Variants in KCNB2 observed in about 807,000 individuals in gnomAD.
The protein encoded by KCNB2 is potassium voltage-gated channel subfamily B member 2, also known as delayed rectifier potassium channel protein.
A neutral mutation model predicts 61.5 loss-of-function variants in KCNB2; 15 were observed. The observed-to-expected ratio is 0.24, with a 90% CI of 0.16 to 0.38. The LOEUF (loss-of-function observed/expected upper bound fraction) is 0.38, where lower values mean the gene tolerates loss of function less well. KCNB2 is among the 10% of genes least tolerant of loss of function. The probability of loss-of-function intolerance (pLI) is 1.00; values close to 1 mark genes in which losing one functional copy is unlikely to be tolerated. For missense variants in KCNB2, 828 were observed against 1,125.2 expected (o/e 0.74, Z 3.78); for synonymous variants, 457 against 446.0 (o/e 1.02, Z -0.31).
At chr8:72,658,206 A>G (rs2128987013) in intron 2 of KCNB2, among the ~76,000 whole-genome samples, 1 of 152,302 alleles carries the variant, frequency 6.6e-6, no homozygotes, top group East Asian at 1.9e-4. Flanking sequence ...TGCAAAGAAA[A>G]AGTTCTAGAA....
At chr8:72,650,575 A>G (rs567317370) in intron 2 of KCNB2, among the ~76,000 whole-genome samples, 1 of 152,276 alleles carries the variant, frequency 6.6e-6, no homozygotes, top group South Asian at 2.1e-4. Context: ...GCTAAGGGTC[A>G]CCGCCAGGTC....
In KCNB2 at chr8:72,632,685, G is replaced by A. The variant is rs948256965; in HGVS notation, c.579+64372G>A. ...ATTTTGTTACTATCAGAAGAATCACGCAGCTAATTAGTAAGCATTTAATTA... is the reference window on the plus strand; with the variant it reads ...ATTTTGTTACTATCAGAAGAATCACACAGCTAATTAGTAAGCATTTAATTA... On this transcript the variant is annotated intron_variant, in intron 2 of 2. Transcript: ENST00000523207. Among the ~76,000 whole-genome samples, 11 of 152,022 alleles carry A rather than the reference G, an allele frequency of 7.2e-5. No homozygotes were observed. In the East Asian group the frequency reaches 7.7e-4, roughly 11 times the overall value.
chr8:72,899,721 A>G (rs751957876), intron 2 of KCNB2, among the ~76,000 whole-genome samples: 2 of 152,218 alleles, frequency 1.3e-5, no homozygotes, highest in Non-Finnish European at 2.9e-5. Context: ...GCTGAAATAA[A>G]TCAGAGATCA....
At chr8:72,890,532 C>G (rs1418021956) in intron 2 of KCNB2, among the ~76,000 whole-genome samples, 2 of 152,186 alleles carry the variant, frequency 1.3e-5, no homozygotes, top group African/African-American at 4.8e-5. Context: ...TTCCCCGGTC[C>G]CATCACACTG....
intron 2 of KCNB2, among the ~76,000 whole-genome samples, chr8:72,726,156 C>T (rs1378862939): frequency 6.6e-6 from 1 of 152,096 alleles, no homozygotes; most frequent in Non-Finnish European, 1.5e-5. Flanking sequence ...TGGTGGAGCC[C>T]CCATGATGGG....
At chr8:72,587,622 A>G (rs1290326582) in intron 2 of KCNB2, among the ~76,000 whole-genome samples, 1 of 152,080 alleles carries the variant, frequency 6.6e-6, no homozygotes, top group Non-Finnish European at 1.5e-5. Flanking sequence ...CCAGCTACTC[A>G]GGAGACTGAG....
chr8:72,892,748 T>A (rs960916250), intron 2 of KCNB2, among the ~76,000 whole-genome samples: 1 of 152,170 alleles, frequency 6.6e-6, no homozygotes, highest in African/African-American at 2.4e-5. Flanking sequence ...CATACCTTAA[T>A]TCTTGTTTAT....
At chr8:72,852,658 C>T (rs56821457) in intron 2 of KCNB2, among the ~76,000 whole-genome samples, 22,964 of 152,134 alleles carry the variant, frequency 0.15, 2,372 homozygotes, top group African/African-American at 0.29. Context: ...CAGGGATACT[C>T]CAATAGAATC....
At position 72,936,175 on chromosome 8, in the gene KCNB2, A is replaced by G. The variant is rs1193754002; in HGVS notation, c.820A>G (p.Ile274Val). 4.3e-6 allele frequency: 7 copies of G among 1,614,104 alleles called. No individual in the cohort carries two copies. Among genetic ancestry groups the G allele is most frequent in the Non-Finnish European group, 5.9e-6 (7 of 1,180,038 alleles). Residue 274 changes from isoleucine to valine, a missense_variant, in exon 3 of 3, where the codon ATC (isoleucine) becomes GTC (valine). Physicochemically the swap from Ile to Val is conservative, Grantham distance 29. This residue lies in a region of KCNB2 where 163 missense variants were observed against 314.4 expected (regional missense o/e 0.52). Transcript: ENST00000523207. This position sits in a 1 kb window ranked among gnomAD's most constrained non-coding sequence, Gnocchi z 5.6. ...ACTGAATGTCATTGATTTGCTGGCCATCTTGCCGTACTATGTCACCATTTT... is the reference window on the plus strand; with the variant it reads ...ACTGAATGTCATTGATTTGCTGGCCGTCTTGCCGTACTATGTCACCATTTT... ...GPLNVIDLLA[I>V]LPYYVTIFLT... is the part of the protein sequence containing the mutation.
intron 2 of KCNB2, among the ~76,000 whole-genome samples, chr8:72,779,514 T>C (rs932450642): frequency 6.6e-6 from 1 of 152,150 alleles, no homozygotes; most frequent in Non-Finnish European, 1.5e-5. Flanking sequence ...AGAACCTGAG[T>C]TCACCAGTGA....
chr8:72,845,837 A>G (rs1440530934), intron 2 of KCNB2, among the ~76,000 whole-genome samples: 1 of 152,180 alleles, frequency 6.6e-6, no homozygotes, highest in Admixed American at 6.5e-5. Flanking sequence ...CTGTGCTGGC[A>G]GCGACAATCT....
chr8:72,784,406 T>C (rs1390920756), intron 2 of KCNB2, among the ~76,000 whole-genome samples: 1 of 152,182 alleles, frequency 6.6e-6, no homozygotes, highest in Non-Finnish European at 1.5e-5. Context: ...GTATCATTAT[T>C]TGTTTGGTTG....
chr8:72,755,746 T>C (rs1158575798), intron 2 of KCNB2, among the ~76,000 whole-genome samples: 5 of 152,208 alleles, frequency 3.3e-5, no homozygotes, highest in Non-Finnish European at 5.9e-5. Flanking sequence ...GATTGCTGCT[T>C]GTTTTATAAG....
intron 2 of KCNB2, among the ~76,000 whole-genome samples, chr8:72,926,657 A>G (rs1435780783): frequency 3.3e-5 from 5 of 152,180 alleles, no homozygotes; most frequent in Non-Finnish European, 7.4e-5. Context: ...TCTGTAAGAT[A>G]ATAGTGGAGA....
chr8:72,883,167 G>T (rs1036803343), intron 2 of KCNB2, among the ~76,000 whole-genome samples: 4 of 152,128 alleles, frequency 2.6e-5, no homozygotes, highest in Non-Finnish European at 4.4e-5. Context: ...ACTTCACTAG[G>T]TTTACAAAGC....
At chr8:72,798,050 A>G (rs777831808) in intron 2 of KCNB2, among the ~76,000 whole-genome samples, 4 of 152,168 alleles carry the variant, frequency 2.6e-5, no homozygotes, top group Non-Finnish European at 5.9e-5. Context: ...CTTTCCTTCA[A>G]AGTATTTTCA....
At chr8:72,600,214 C>T (rs1807272328) in intron 2 of KCNB2, among the ~76,000 whole-genome samples, 1 of 152,082 alleles carries the variant, frequency 6.6e-6, no homozygotes, top group African/African-American at 2.4e-5. Context: ...CAATGATAGA[C>T]TGGATTAAGA....
chr8:72,919,791 C>G (rs954133229), intron 2 of KCNB2, among the ~76,000 whole-genome samples: 2 of 152,090 alleles, frequency 1.3e-5, no homozygotes, highest in African/African-American at 2.4e-5. Context: ...ATAATATGCT[C>G]GGTGTATTTT....
intron 2 of KCNB2, among the ~76,000 whole-genome samples, chr8:72,700,180 C>T (rs956072746): frequency 2.6e-5 from 4 of 151,972 alleles, no homozygotes; most frequent in African/African-American, 9.7e-5. Flanking sequence ...GAACATCACA[C>T]ACCAGGTTCT....
Sources: allele counts gnomAD v4.1 joint callset (sites outside exome capture counted in the v4.1 genomes callset), GRCh38; gene constraint gnomAD v4.1.1; regional missense constraint gnomAD v4.1.1; non-coding constraint Gnocchi (gnomAD v3.1); transcripts MANE v1.5; gene names NCBI Gene and HGNC (gene_info 2026-07-23, HGNC 2026-07-21).